ITFG1: variants seen among roughly 807,000 people sequenced by gnomAD.
ITFG1 encodes the protein integrin alpha FG-GAP repeat containing 1.
ITFG1 carries 34 observed loss-of-function variants against 81.8 expected under a neutral mutation model. The ratio of observed to expected loss-of-function variants is 0.42; its 90% CI spans 0.32 to 0.55. The LOEUF (loss-of-function observed/expected upper bound fraction) is 0.55. ITFG1 is among the 20% of genes least tolerant of loss of function. ITFG1 has a pLI of 0.17. For missense variants in ITFG1, 672 were observed against 755.4 expected, an observed-to-expected ratio of 0.89 and a Z score of 1.29; for synonymous variants, 285 against 270.6, an observed-to-expected ratio of 1.05 and a Z score of -0.52.
At chr16:47,447,286 A>AT (rs961058973) in intron 5 of ITFG1, among the ~76,000 whole-genome samples, 9 of 152,038 alleles carry the variant, frequency 5.9e-5, no homozygotes, top group Middle Eastern at 3.4e-3. Flanking sequence ...GTTACTATCA[A>AT]TTTTTTTTGC....
intron 6 of ITFG1, among the ~76,000 whole-genome samples, chr16:47,424,880 C>T (rs1219289997): frequency 6.6e-6 from 1 of 152,118 alleles, no homozygotes; most frequent in Non-Finnish European, 1.5e-5. Flanking sequence ...CCTAGTCAGG[C>T]TACATTGGGG....
At chr16:47,363,124 C>T (rs1968130667) in intron 8 of ITFG1, among the ~76,000 whole-genome samples, 2 of 152,032 alleles carry the variant, frequency 1.3e-5, no homozygotes, top group Non-Finnish European at 2.9e-5. Flanking sequence ...GTCTCAAACT[C>T]CTGAGCTCAA....
At position 47,172,073 on chromosome 16, in the gene ITFG1, A is replaced by AT. The variant is rs1232803174; in HGVS notation, c.1454-9410_1454-9409insA. Among the ~76,000 whole-genome samples the AT allele has an allele frequency of 6.7e-4, 102 of 152,284 alleles. 1 individual carries two copies. Among genetic ancestry groups the AT allele is most frequent in the African/African-American group, 2.3e-3 (97 of 41,568 alleles). On this transcript the variant is annotated intron_variant, in intron 14 of 17. Transcript: ENST00000320640. The stretch of plus-strand genomic sequence containing the variant: ...CTTAGGTTAGTCCCCAACACTCCCA[A>AT]ATGTATAATTCCAGCATAGACTGCC...
intron 14 of ITFG1, among the ~76,000 whole-genome samples, chr16:47,206,015 G>A (rs1171902259): frequency 3.3e-5 from 5 of 151,984 alleles, no homozygotes; most frequent in Non-Finnish European, 5.9e-5. Context: ...ACAGGCGCCC[G>A]CCACCACGCC....
intron 14 of ITFG1, among the ~76,000 whole-genome samples, chr16:47,182,474 C>G (rs1281246325): frequency 6.6e-6 from 1 of 151,480 alleles, no homozygotes; most frequent in Non-Finnish European, 1.5e-5. Flanking sequence ...TTTATTTGAT[C>G]TTTAGTAATC....
chr16:47,389,122 T>C lies in ITFG1; in HGVS notation c.656-13182A>G, dbSNP rs1299880271. ...CTGGCTGAGCCGGTGATCACCTTAATTTAATAAACTCTCCTGAACCTTTTT... is the reference window on the plus strand; with the variant it reads ...CTGGCTGAGCCGGTGATCACCTTAACTTAATAAACTCTCCTGAACCTTTTT... On this transcript the variant is annotated intron_variant, in intron 6 of 17. Coordinates refer to ENST00000320640, the MANE Select transcript of ITFG1 (RefSeq NM_030790.5). Among the ~76,000 whole-genome samples, 3 of 152,146 alleles carry C rather than the reference T, an allele frequency of 2.0e-5. No homozygotes were observed. The East Asian group carries it at 5.8e-4, about 29-fold the overall frequency.
intron 6 of ITFG1, among the ~76,000 whole-genome samples, chr16:47,418,999 GATA>G (rs1968907590): frequency 6.6e-6 from 1 of 152,128 alleles, no homozygotes; most frequent in Non-Finnish European, 1.5e-5. Context: ...GTCATATAAT[GATA>G]ATAATTCTTA....
At chr16:47,427,245 A>T (rs1265465142) in intron 6 of ITFG1, among the ~76,000 whole-genome samples, 1 of 152,196 alleles carries the variant, frequency 6.6e-6, no homozygotes, top group Non-Finnish European at 1.5e-5. Flanking sequence ...GAACCTACTG[A>T]TCAATTTTAA....
At chr16:47,194,419 G>T (rs1016192085) in intron 14 of ITFG1, among the ~76,000 whole-genome samples, 2 of 152,090 alleles carry the variant, frequency 1.3e-5, no homozygotes, top group Non-Finnish European at 2.9e-5. Flanking sequence ...CAAGGTCAAG[G>T]GTATCAGATT....
intron 10 of ITFG1, among the ~76,000 whole-genome samples, chr16:47,275,074 G>A (rs1046326771): frequency 2.0e-5 from 3 of 152,104 alleles, no homozygotes; most frequent in Admixed American, 6.6e-5. Flanking sequence ...ATTTTATCTG[G>A]TGAATTTTAC....
chr16:47,443,988 T>C (rs1276642973), intron 5 of ITFG1, among the ~76,000 whole-genome samples: 1 of 152,146 alleles, frequency 6.6e-6, no homozygotes. Flanking sequence ...AGAAAATATC[T>C]GCCATATAAC....
intron 8 of ITFG1, among the ~76,000 whole-genome samples, chr16:47,356,390 T>C (rs1968040483): frequency 6.6e-6 from 1 of 152,184 alleles, no homozygotes; most frequent in Non-Finnish European, 1.5e-5. Context: ...TTCTCTTGAT[T>C]AAATTCAACA....
intron 12 of ITFG1, among the ~76,000 whole-genome samples, chr16:47,251,692 C>A (rs934265967): frequency 6.6e-6 from 1 of 152,180 alleles, no homozygotes. Flanking sequence ...CTGTGCAGAG[C>A]ACTGAATCCT....
At chr16:47,229,061 T>C (rs925991558) in intron 13 of ITFG1, among the ~76,000 whole-genome samples, 2 of 152,174 alleles carry the variant, frequency 1.3e-5, no homozygotes, top group African/African-American at 4.8e-5. Flanking sequence ...ACCTCAAATA[T>C]TTGTCATGTA....
intron 10 of ITFG1, among the ~76,000 whole-genome samples, chr16:47,288,849 T>C (rs879591798): frequency 6.6e-6 from 1 of 152,064 alleles, no homozygotes; most frequent in Non-Finnish European, 1.5e-5. Context: ...CGAGTCGAGA[T>C]TGCACCACTG....
intron 5 of ITFG1, among the ~76,000 whole-genome samples, chr16:47,433,792 T>TATATATATATATATATATAC (rs1491145615): frequency 7.4e-6 from 1 of 135,652 alleles, no homozygotes; most frequent in African/African-American, 2.8e-5. Flanking sequence ...TATATATATA[T>TATATATATATATATATATAC]ACACACACAC....
chr16:47,341,882 C>T (rs1010594633), intron 8 of ITFG1, among the ~76,000 whole-genome samples: 7 of 152,084 alleles, frequency 4.6e-5, no homozygotes, highest in Non-Finnish European at 7.4e-5. Context: ...AAGAAATTAA[C>T]ATTCTCACCA....
intron 14 of ITFG1, among the ~76,000 whole-genome samples, chr16:47,179,727 G>T (rs1370415757): frequency 6.6e-6 from 1 of 152,174 alleles, no homozygotes; most frequent in South Asian, 2.1e-4. Flanking sequence ...GGTGGTACTA[G>T]GATCTCTAGA....
At chr16:47,194,763 GGTTT>G (rs1354914111) in intron 14 of ITFG1, among the ~76,000 whole-genome samples, 1 of 151,940 alleles carries the variant, frequency 6.6e-6, no homozygotes, top group African/African-American at 2.4e-5. Context: ...AGAATGTGCA[GGTTT>G]GTTACATAGG....
Sources: gnomAD v4.1 joint callset for allele counts (sites outside exome capture counted in the v4.1 genomes callset) on GRCh38, gnomAD v4.1.1 for gene constraint, MANE v1.5 for transcripts, NCBI Gene and HGNC (gene_info 2026-07-23, HGNC 2026-07-21) for gene names.